The following PDS5A variants were observed in gnomAD, a reference collection of about 807,000 sequenced individuals.
PDS5A encodes sister chromatid cohesion protein PDS5 homolog A.
Under a neutral mutation model 167.1 loss-of-function variants are expected in PDS5A, and 42 were observed. The ratio of observed to expected loss-of-function variants is 0.25; its 90% CI spans 0.20 to 0.33. PDS5A has a LOEUF of 0.33. PDS5A is among the 10% of genes least tolerant of loss of function. PDS5A has a pLI of 1.00. For synonymous variants in PDS5A, 553 were observed against 554.6 expected, an observed-to-expected ratio of 1.00 and a Z score of 0.04; for missense variants, 1,033 against 1,605.9, an observed-to-expected ratio of 0.64 and a Z score of 6.10.
At chr4:39,831,523 A>T (rs1715872853) in intron 32 of PDS5A, among the ~76,000 whole-genome samples, 1 of 152,212 alleles carries the variant, frequency 6.6e-6, no homozygotes, top group South Asian at 2.1e-4. Flanking sequence ...ATTATGATAA[A>T]ATATATATCA....
chr4:39,945,534 T>C (rs1727673044), intron 2 of PDS5A, among the ~76,000 whole-genome samples: 1 of 151,720 alleles, frequency 6.6e-6, no homozygotes, highest in South Asian at 2.1e-4. Flanking sequence ...CTTACCTATA[T>C]GTTACATATA....
At chr4:39,936,325 A>G (rs1161157656) in intron 2 of PDS5A, among the ~76,000 whole-genome samples, 1 of 152,184 alleles carries the variant, frequency 6.6e-6, no homozygotes, top group Non-Finnish European at 1.5e-5. Context: ...ATTCTCAGGG[A>G]CAACTTCCAT....
At chr4:39,905,337 C>A (rs1405976993) in intron 11 of PDS5A, among the ~76,000 whole-genome samples, 1 of 152,070 alleles carries the variant, frequency 6.6e-6, no homozygotes, top group South Asian at 2.1e-4. Context: ...GCAGGTGGAT[C>A]ACCTGAGGTC....
At chr4:39,879,524 AC>A (rs1720762323) in intron 18 of PDS5A, among the ~76,000 whole-genome samples, 1 of 152,178 alleles carries the variant, frequency 6.6e-6, no homozygotes. Context: ...AAACAGTGAA[AC>A]AAATATTAAT....
chr4:39,969,332 A>G (rs927726825), intron 2 of PDS5A, among the ~76,000 whole-genome samples: 1 of 152,172 alleles, frequency 6.6e-6, no homozygotes, highest in Non-Finnish European at 1.5e-5. Flanking sequence ...AATTCTAAGT[A>G]CTGTACCTAT....
rs986945505 is a variant in PDS5A at position 39,973,493 on chromosome 4, T to C, written c.138+2947A>G. Reference sequence around the variant, plus strand: ...TACGTGAAAAATCTTGATGATAGTATTGATGATGAACGTCTCCAGAAAGAG... The same window carrying C: ...TACGTGAAAAATCTTGATGATAGTACTGATGATGAACGTCTCCAGAAAGAG... On this transcript the variant is annotated intron_variant, in intron 2 of 32. Transcript: ENST00000303538. 9 of 1,336,630 alleles carry C rather than the reference T, an allele frequency of 6.7e-6. No homozygotes were observed. In the Admixed American group the frequency reaches 1.0e-4, roughly 15 times the overall value. The allele number at this position is 1,336,630 out of a possible 1,614,324, so 82.8% of individuals were successfully genotyped here.
At chr4:39,930,258 TTTTG>T (rs1725933660) in intron 2 of PDS5A, among the ~76,000 whole-genome samples, 1 of 129,980 alleles carries the variant, frequency 7.7e-6, no homozygotes, top group African/African-American at 2.6e-5. Context: ...TTTTTTTGTT[TTTTG>T]TTTTTTTTTT....
rs2109567714 is a variant in PDS5A, at chr4:39,870,695, A to G, written c.2437-1233T>C. On this transcript the variant is annotated intron_variant, in intron 21 of 32. Coordinates refer to ENST00000303538, the MANE Select transcript of PDS5A (RefSeq NM_001100399.2). ...CAGGTAGTCAATAAGCACACAAAAAATATCCTTGACATCATCATTCATCAG... is the reference window on the plus strand; with the variant it reads ...CAGGTAGTCAATAAGCACACAAAAAGTATCCTTGACATCATCATTCATCAG... Among the ~76,000 whole-genome samples, 3 of 152,286 alleles carry G rather than the reference A, an allele frequency of 2.0e-5. No homozygotes were observed. In the Middle Eastern group the frequency reaches 0.01, roughly 518 times the overall value.
Position 39,922,611 on chromosome 4 carries a change from A to C in PDS5A, c.654+11T>G. The C allele has an allele frequency of 6.5e-7, 1 of 1,542,814 alleles. No individual in the cohort carries two copies. The highest frequency in any genetic ancestry group is 2.3e-5 in the East Asian group (1 of 43,874). ...AAACATTAACCTTGAATATCTTCAT[A>C]CTTTACAGACCTTATGTGCAGGAAT... On this transcript the variant is annotated intron_variant, in intron 6 of 32. Transcript: ENST00000303538.
intron 5 of PDS5A, among the ~76,000 whole-genome samples, chr4:39,923,228 T>G (rs1361361814): frequency 1.3e-5 from 2 of 149,006 alleles, no homozygotes; most frequent in Non-Finnish European, 3.0e-5. Flanking sequence ...CTGGGGAGGC[T>G]AAGGCGGAAG....
Position 39,976,611 on chromosome 4 carries a change from C to G in PDS5A, c.-34G>C, listed in dbSNP as rs768759140. 6.4e-7 allele frequency: 1 copy of G among 1,573,482 alleles called. No individual in the cohort carries two copies. Among genetic ancestry groups the G allele is most frequent in the Non-Finnish European group, 8.7e-7 (1 of 1,151,946 alleles). On this transcript the variant is annotated 5_prime_UTR_variant, in exon 2 of 33. Coordinates refer to ENST00000303538, the MANE Select transcript of PDS5A (RefSeq NM_001100399.2). Reference sequence around the variant, plus strand: ...ACAACTTTTGGTTCACAGTCCTCTACCGGCCTCTATCGGTCAGAAAACCAA... The same window carrying G: ...ACAACTTTTGGTTCACAGTCCTCTAGCGGCCTCTATCGGTCAGAAAACCAA...
chr4:39,832,512 T>C (rs549693740), intron 32 of PDS5A, among the ~76,000 whole-genome samples: 1 of 150,346 alleles, frequency 6.7e-6, no homozygotes, highest in Middle Eastern at 3.2e-3. Context: ...TGGCTCAAAA[T>C]TTTTTTTTTG....
At chr4:39,969,735 A>G (rs1047695498) in intron 2 of PDS5A, among the ~76,000 whole-genome samples, 1 of 151,958 alleles carries the variant, frequency 6.6e-6, no homozygotes, top group Non-Finnish European at 1.5e-5. Context: ...CAAAAATAAA[A>G]ATATTTCTCT....
At chr4:39,945,142 A>G (rs1229086661) in intron 2 of PDS5A, among the ~76,000 whole-genome samples, 1 of 152,112 alleles carries the variant, frequency 6.6e-6, no homozygotes, top group Admixed American at 6.6e-5. Context: ...AACAGGCCAA[A>G]TAAGTTGTCC....
chr4:39,903,623 T>C (rs1323082044), intron 12 of PDS5A, among the ~76,000 whole-genome samples: 1 of 152,240 alleles, frequency 6.6e-6, no homozygotes, highest in Non-Finnish European at 1.5e-5. Context: ...CACATTGGGC[T>C]AGGATGCTTT....
intron 7 of PDS5A, among the ~76,000 whole-genome samples, chr4:39,918,874 A>G (rs563314859): frequency 1.3e-5 from 2 of 152,294 alleles, no homozygotes; most frequent in Non-Finnish European, 2.9e-5. Context: ...ACTGGATAAG[A>G]GTAATATCAA....
rs545869837 is a variant in PDS5A at position 39,928,573 on chromosome 4, C to T, written c.139-409G>A. Among the ~76,000 whole-genome samples the T allele has an allele frequency of 5.3e-5, 8 of 152,188 alleles. No individual in the cohort carries two copies. In the East Asian group the frequency reaches 7.7e-4, roughly 15 times the overall value. On this transcript the variant is annotated intron_variant, in intron 2 of 32. Coordinates refer to ENST00000303538, the MANE Select transcript of PDS5A (RefSeq NM_001100399.2). ...GCCTTCTTCAGGCTCCTTAAAATTG[C>T]TATTTCATTTCATGCTTTAATGAGT...
rs1354809899 is a variant in PDS5A at position 39,823,282 on chromosome 4, A to G, written c.*2203T>C. 6.6e-6 allele frequency: 1 copy of G among 152,092 alleles called. No individual in the cohort carries two copies. Among genetic ancestry groups the G allele is most frequent in the Admixed American group, 6.6e-5 (1 of 15,258 alleles). 9.4% of individuals were successfully genotyped at this position (152,092 alleles called of 1,614,324 possible). Reference sequence around the variant, plus strand: ...ATCAGCTTGGTCTTTCCACAACCCTACTCTTGCTTCCCTTAGTGCCAGACA... The same window carrying G: ...ATCAGCTTGGTCTTTCCACAACCCTGCTCTTGCTTCCCTTAGTGCCAGACA... On this transcript the variant is annotated 3_prime_UTR_variant, in exon 33 of 33. Transcript: ENST00000303538.
At chr4:39,899,272 C>T (rs1722674662) in intron 14 of PDS5A, among the ~76,000 whole-genome samples, 1 of 152,014 alleles carries the variant, frequency 6.6e-6, no homozygotes, top group African/African-American at 2.4e-5. Flanking sequence ...ACTTAAATAC[C>T]TTCAGGAAAA....
Sources: gnomAD v4.1 joint callset for allele counts (sites outside exome capture counted in the v4.1 genomes callset) on GRCh38, gnomAD v4.1.1 for gene constraint, MANE v1.5 for transcripts, NCBI Gene and HGNC (gene_info 2026-07-23, HGNC 2026-07-21) for gene names.